Variants in SHQ1 observed in about 807,000 individuals in gnomAD.
The protein encoded by SHQ1 is protein SHQ1 homolog.
SHQ1 carries 49 observed loss-of-function variants against 53.8 expected under a neutral mutation model. The observed-to-expected ratio is 0.91, with a 90% confidence interval of 0.72 to 1.16. The LOEUF (loss-of-function observed/expected upper bound fraction) is 1.16, where lower values mean the gene tolerates loss of function less well. Among genes scored for constraint, SHQ1 ranks in the 50% most tolerant of loss-of-function variants. SHQ1 has a pLI of 0.00. For synonymous variants in SHQ1, 243 were observed against 251.0 expected, an observed-to-expected ratio of 0.97 and a Z score of 0.30; for missense variants, 738 against 683.1, an observed-to-expected ratio of 1.08 and a Z score of -0.90.
At chr3:72,735,764 G>T in the SHQ1 span, among the ~76,000 whole-genome samples, 1 of 144,448 alleles carries the variant, frequency 6.9e-6, no homozygotes, top group South Asian at 2.3e-4. Flanking sequence ...CAGGCAGGCA[G>T]GCAGGCAGGC....
At position 72,750,448 on chromosome 3, in the gene SHQ1, T is replaced by C. The variant is rs1705340725; in HGVS notation, c.1570A>G (p.Lys524Glu). The stretch of plus-strand genomic sequence containing the variant: ...AGAGGCCAGGAAGAGGCAAGTGGCT[T>C]TCCCTGACTGGCATCAGACTCCTGG... ...AIQESDASQG[K>E]PLASSWPLGV... The change falls in exon 11 of 11, where the codon AAG (lysine) becomes GAG (glutamate). Residue 524 changes from lysine (K) to glutamate (E), a missense_variant. Physicochemically the swap from Lys to Glu is moderately conservative, Grantham distance 56 (BLOSUM62 1). Transcript: ENST00000325599. 1.2e-6 allele frequency: 2 copies of C among 1,614,154 alleles called. No individual in the cohort carries two copies. Among genetic ancestry groups the C allele is most frequent in the Non-Finnish European group, 1.7e-6 (2 of 1,180,024 alleles).
At chr3:72,846,226 G>C in intron 1 of SHQ1, 2 of 1,535,246 alleles carry the variant, frequency 1.3e-6, no homozygotes, top group Non-Finnish European at 1.7e-6. Flanking sequence ...TGGGGCCTCC[G>C]CAGCTACAGT....
intron 10 of SHQ1, among the ~76,000 whole-genome samples, chr3:72,776,667 G>A (rs1317316953): frequency 6.6e-5 from 10 of 151,992 alleles, no homozygotes; most frequent in Admixed American, 6.6e-4. Flanking sequence ...AAATTTTATT[G>A]AAAGACATTA....
downstream of SHQ1, chr3:72,749,199 T>G (rs929801180): frequency 5.2e-6 from 1 of 193,690 alleles, no homozygotes; most frequent in Non-Finnish European, 1.1e-5. Flanking sequence ...ACATTAAACA[T>G]ATACCTACCA....
intron 4 of SHQ1, among the ~76,000 whole-genome samples, chr3:72,833,346 T>C (rs959492564): frequency 1.6e-4 from 25 of 151,538 alleles, no homozygotes; most frequent in Admixed American, 9.2e-4. Context: ...GAGGCTGAGG[T>C]GGGAGGATGG....
downstream of SHQ1, among the ~76,000 whole-genome samples, chr3:72,744,928 G>C (rs529486929): frequency 7.1e-6 from 1 of 141,318 alleles, no homozygotes; most frequent in Non-Finnish European, 1.5e-5. Flanking sequence ...TACATTGGGG[G>C]GGGGGGGTGG....
chr3:72,789,034 G>A (rs1346632958), intron 10 of SHQ1, among the ~76,000 whole-genome samples: 1 of 145,386 alleles, frequency 6.9e-6, no homozygotes, highest in East Asian at 2.0e-4. Flanking sequence ...CTATGACCCT[G>A]CCAAATCCCC....
intron 5 of SHQ1, among the ~76,000 whole-genome samples, chr3:72,826,147 A>G (rs1226990993): frequency 6.6e-6 from 1 of 152,250 alleles, no homozygotes; most frequent in African/African-American, 2.4e-5. Context: ...CCATTTTTAT[A>G]TATGAGGAAA....
At chr3:72,749,258 C>T (rs2106694736), downstream of SHQ1, 1 of 216,200 alleles carries the variant, frequency 4.6e-6, no homozygotes, top group African/African-American at 2.2e-5. Context: ...GAAAGGAAAG[C>T]ATACGTCCAC....
chr3:72,734,446 G>C, the SHQ1 span, among the ~76,000 whole-genome samples: 1 of 151,100 alleles, frequency 6.6e-6, no homozygotes, highest in South Asian at 2.1e-4. Context: ...AGTAGAGACA[G>C]GGTTTCATCA....
At chr3:72,757,689 T>C (rs963017005) in intron 10 of SHQ1, among the ~76,000 whole-genome samples, 4 of 152,226 alleles carry the variant, frequency 2.6e-5, no homozygotes, top group African/African-American at 4.8e-5. Flanking sequence ...TGGATGGAGC[T>C]GGAGGCCATT....
At chr3:72,799,205 TG>T (rs1396515956) in intron 9 of SHQ1, among the ~76,000 whole-genome samples, 1 of 149,350 alleles carries the variant, frequency 6.7e-6, no homozygotes. Context: ...AAAAAAAGAG[TG>T]GTTATTCAAA....
intron 5 of SHQ1, among the ~76,000 whole-genome samples, chr3:72,830,448 T>C (rs867435643): frequency 2.1e-4 from 32 of 152,200 alleles, no homozygotes; most frequent in Middle Eastern, 3.4e-3. Flanking sequence ...TGCATGGTGA[T>C]AGTAATTTAA....
chr3:72,737,839 G>C, the SHQ1 span, among the ~76,000 whole-genome samples: 1 of 152,270 alleles, frequency 6.6e-6, no homozygotes, highest in African/African-American at 2.4e-5. Context: ...AGGGCCAGCT[G>C]TATTGGCTGT....
chr3:72,747,807 G>A (rs761530146), downstream of SHQ1, among the ~76,000 whole-genome samples: 86 of 152,092 alleles, frequency 5.7e-4, 1 homozygote, highest in Non-Finnish European at 2.4e-4. Context: ...GGCCAACATG[G>A]CGAAAACCCA....
chr3:72,787,161 T>G (rs1176709519), intron 10 of SHQ1, among the ~76,000 whole-genome samples: 1 of 152,170 alleles, frequency 6.6e-6, no homozygotes, highest in African/African-American at 2.4e-5. Context: ...TCTACAAACT[T>G]CCCACATTAG....
Position 72,815,359 on chromosome 3 carries a change from G to C in SHQ1, c.927C>G (p.Cys309Trp), listed in dbSNP as rs766919140. The part of the protein sequence containing the change: ...WNIRKLSPTL[C>W]WFETWTNVHD... ...CAACTGGAAATCATACCTCAAACCA[G>C]CATAGTGTTGGACTCAGTTTCCTGA... Residue 309 changes from cysteine to tryptophan, a missense_variant, in exon 8 of 11, where the codon TGC becomes TGG. Cys to Trp is a radical substitution (Grantham distance 215). Transcript: ENST00000325599. The C allele has an allele frequency of 6.2e-7, 1 of 1,613,088 alleles. No homozygotes were observed. The highest frequency in any genetic ancestry group is 1.1e-5 in the South Asian group (1 of 91,034).
chr3:72,735,061 T>G, the SHQ1 span, among the ~76,000 whole-genome samples: 3 of 151,688 alleles, frequency 2.0e-5, no homozygotes, highest in African/African-American at 7.3e-5. Context: ...GAACTGTGGT[T>G]GTTTTAAGCT....
chr3:72,755,810 C>G (rs570500385), intron 10 of SHQ1, among the ~76,000 whole-genome samples: 67 of 152,268 alleles, frequency 4.4e-4, no homozygotes, highest in Non-Finnish European at 8.8e-4. Context: ...TTTTCTCTGT[C>G]GTACTCAAAA....
Sources: allele counts gnomAD v4.1 joint callset (sites outside exome capture counted in the v4.1 genomes callset), GRCh38; gene constraint gnomAD v4.1.1; transcripts MANE v1.5; gene names NCBI Gene and HGNC (gene_info 2026-07-23, HGNC 2026-07-21).